Variants in EMX1 observed in about 807,000 individuals in gnomAD.
The protein encoded by EMX1 is homeobox protein EMX1.
Under a neutral mutation model 20.1 loss-of-function variants are expected in EMX1, and 10 were observed. That is an observed-to-expected ratio of 0.50 (90% CI 0.31 to 0.84). EMX1 has a LOEUF of 0.84. Among genes scored for constraint, EMX1 ranks in the 40% least tolerant of loss-of-function variants. The pLI is 0.05. For missense variants in EMX1, 424 were observed against 431.9 expected (o/e 0.98, Z 0.16); for synonymous variants, 250 against 200.4 (o/e 1.25, Z -2.09).
chr2:72,925,703 A>G, intron 2 of EMX1: 1 of 985,428 alleles, frequency 1.0e-6, no homozygotes, highest in Non-Finnish European at 1.2e-6. Context: ...TAGCAGCCAG[A>G]GTAGGAAGGG....
chr2:72,917,757 C>A lies in EMX1; in HGVS notation c.-96C>A. 1 of 1,146,668 alleles carries A rather than the reference C, an allele frequency of 8.7e-7. No homozygotes were observed. The highest frequency in any genetic ancestry group is 1.1e-6 in the Non-Finnish European group (1 of 918,322). 71.0% of individuals were successfully genotyped at this position (1,146,668 alleles called of 1,614,324 possible). ...GCTGTGGCCGGACCCCGCGGTCGCT[C>A]GCTCACACACCCCTCGCCGCTCCGC... On this transcript the variant is annotated 5_prime_UTR_variant, in exon 1 of 3. Transcript: ENST00000258106.
At chr2:72,925,520 C>A (rs766802519) in intron 2 of EMX1, 261 of 1,288,570 alleles carry the variant, frequency 2.0e-4, no homozygotes, top group Admixed American at 2.5e-4. Context: ...GCGTGCCGGC[C>A]GGCTCCCAGA....
intron 1 of EMX1, among the ~76,000 whole-genome samples, chr2:72,921,700 C>T (rs539732015): frequency 6.6e-6 from 1 of 152,114 alleles, no homozygotes; most frequent in Non-Finnish European, 1.5e-5. Flanking sequence ...GTTAGAAGGA[C>T]CCCTGTATTT....
Position 72,918,099 on chromosome 2 carries a change from C to G in EMX1, c.247C>G (p.Leu83Val). 6.9e-7 allele frequency: 1 copy of G among 1,456,748 alleles called. No individual in the cohort carries two copies. Among genetic ancestry groups the G allele is most frequent in the South Asian group, 1.4e-5 (1 of 73,954 alleles). 90.2% of individuals were successfully genotyped at this position (1,456,748 alleles called of 1,614,324 possible). A position where few individuals can be genotyped will look rare whatever the true frequency, so the allele number is the denominator to read the frequency against. The change falls in exon 1 of 3, where the codon CTC becomes GTC. Residue 83 changes from leucine (L) to valine (V), a missense_variant. Leu to Val is a conservative substitution (Grantham distance 32, BLOSUM62 1). Coordinates refer to ENST00000258106, the MANE Select transcript of EMX1 (RefSeq NM_004097.3). The part of the protein sequence containing the change: ...ASEEPLRPTA[L>V]NYPHPSAAEA... ...CGAGGAACCGCTCCGGCCCACGGCG[C>G]TCAACTACCCTCACCCCAGCGCGGC...
In EMX1 at chr2:72,924,465, C is replaced by A; in HGVS notation, c.677C>A (p.Ala226Asp). ...GTGGGCGCCGAGCGGAAGCAGCTGG[C>A]CGGCAGTCTCAGCCTCTCCGAGACG... Reference protein sequence around the residue: ...YVVGAERKQLAGSLSLSETQV... With the variant: ...YVVGAERKQLDGSLSLSETQV... Residue 226 changes from alanine to aspartate, a missense_variant, in exon 2 of 3, where the codon GCC becomes GAC. Physicochemically the swap from Ala to Asp is moderately radical, Grantham distance 126 (BLOSUM62 -2). Transcript: ENST00000258106. 6.3e-7 allele frequency: 1 copy of A among 1,594,712 alleles called. No homozygotes were observed.
chr2:72,916,583 G>T, upstream of EMX1: 1 of 647,294 alleles, frequency 1.5e-6, no homozygotes, highest in Non-Finnish European at 2.8e-6. Flanking sequence ...AAACTGGCCG[G>T]AGCAGAGTCG....
In EMX1 at chr2:72,934,123, A is replaced by G; in HGVS notation, c.*169A>G. ...GGCCGCCATTGACAGAGGGACAAGC[A>G]ATGGGCTGGCTGAGGCCTGGGACCA... On this transcript the variant is annotated 3_prime_UTR_variant, in exon 3 of 3. Transcript: ENST00000258106. 1.0e-6 allele frequency: 1 copy of G among 1,001,398 alleles called. No homozygotes were observed. The highest frequency in any genetic ancestry group is 1.7e-5 in the South Asian group (1 of 57,184). The allele number at this position is 1,001,398 out of a possible 1,614,324, so 62.0% of individuals were successfully genotyped here. A position where few individuals can be genotyped will look rare whatever the true frequency, so the allele number is the denominator to read the frequency against.
chr2:72,924,504 C>G lies in EMX1; in HGVS notation c.705+11C>G. 2.6e-6 allele frequency: 4 copies of G among 1,565,798 alleles called. No homozygotes were observed. Among genetic ancestry groups the G allele is most frequent in the Non-Finnish European group, 3.4e-6 (4 of 1,160,746 alleles). On this transcript the variant is annotated intron_variant, in intron 2 of 2. Transcript: ENST00000258106. Reference sequence around the variant, plus strand: ...CTCTCCGAGACGCAGGTAATCACCCCCGGTCGCGGCCTGCCCTGCGCCCGG... The same window carrying G: ...CTCTCCGAGACGCAGGTAATCACCCGCGGTCGCGGCCTGCCCTGCGCCCGG...
chr2:72,918,689 T>A (rs111417794), intron 1 of EMX1, among the ~76,000 whole-genome samples: 2,351 of 152,306 alleles, frequency 0.015, 57 homozygotes, highest in African/African-American at 0.053. Context: ...CTCTCCCAGC[T>A]GAGCCAGTCT....
At position 72,930,745 on chromosome 2, in the gene EMX1, G is replaced by A. The variant is rs1349095577; in HGVS notation, c.706-3042G>A. On this transcript the variant is annotated intron_variant, in intron 2 of 2. Transcript: ENST00000258106. This position sits in a 1 kb window ranked among gnomAD's most constrained non-coding sequence, Gnocchi z 4.4. ...AGAGTTGCCTGGCTGGGTTGGAGAG[G>A]TCATGAAATGTCACTCTCATCTCCT... Among the ~76,000 whole-genome samples the A allele has an allele frequency of 1.3e-5, 2 of 152,116 alleles. No individual in the cohort carries two copies.
At position 72,934,185 on chromosome 2, in the gene EMX1, G is replaced by C; in HGVS notation, c.*231G>C. On this transcript the variant is annotated 3_prime_UTR_variant, in exon 3 of 3. Coordinates refer to ENST00000258106, the MANE Select transcript of EMX1 (RefSeq NM_004097.3). The stretch of plus-strand genomic sequence containing the variant: ...CCTCGGAGAGCCTGCCTGCCTGGGC[G>C]GGCCCGCCCGCCACCGCAGCCTCCC... 3.6e-6 allele frequency: 2 copies of C among 557,838 alleles called. No individual in the cohort carries two copies. Among genetic ancestry groups the C allele is most frequent in the Non-Finnish European group, 6.1e-6 (2 of 325,672 alleles). The allele number at this position is 557,838 out of a possible 1,614,324, so 34.6% of individuals were successfully genotyped here.
At chr2:72,918,949 TC>T (rs1165544949) in intron 1 of EMX1, among the ~76,000 whole-genome samples, 11 of 152,234 alleles carry the variant, frequency 7.2e-5, no homozygotes, top group Non-Finnish European at 1.5e-4. Flanking sequence ...GCCCGACTTC[TC>T]CAAGTCACAC....
At chr2:72,919,922 G>C (rs1671069896) in intron 1 of EMX1, among the ~76,000 whole-genome samples, 1 of 152,268 alleles carries the variant, frequency 6.6e-6, no homozygotes, top group African/African-American at 2.4e-5. Flanking sequence ...TCCGAAGCCT[G>C]GGTCTCGAAA....
chr2:72,916,671 G>A (rs950086952), upstream of EMX1: 35 of 715,398 alleles, frequency 4.9e-5, no homozygotes, highest in Middle Eastern at 2.3e-4. Context: ...GACGGCTGGC[G>A]TGTTCTCTTG....
chr2:72,918,502 G>C (rs1362303720), intron 1 of EMX1, 130 bp downstream of exon 1: 2 of 1,240,820 alleles, frequency 1.6e-6, no homozygotes, highest in African/African-American at 3.2e-5. Flanking sequence ...CGCGGAGGTA[G>C]ATTCCCAGGC....
In EMX1 at chr2:72,917,543, G is replaced by GGCCGGGGCTGGGCA. The variant is rs998352213; in HGVS notation, c.-308_-295dup. The GGCCGGGGCTGGGCA allele has an allele frequency of 5.2e-6, 1 of 193,430 alleles. No individual in the cohort carries two copies. The highest frequency in any genetic ancestry group is 1.0e-5 in the Non-Finnish European group (1 of 96,230). The allele number at this position is 193,430 out of a possible 1,614,324, so 12.0% of individuals were successfully genotyped here. A position where few individuals can be genotyped will look rare whatever the true frequency, so the allele number is the denominator to read the frequency against. ...TAACTCGCGCCTCGCAGCGCTGGGC[G>GGCCGGGGCTGGGCA]GCCGGGGCTGGGCAGGGCAGTGCGG... is the stretch of plus-strand genomic sequence containing the variant. On this transcript the variant is annotated 5_prime_UTR_variant, in exon 1 of 3. Coordinates refer to ENST00000258106, the MANE Select transcript of EMX1 (RefSeq NM_004097.3).
chr2:72,923,670 T>G (rs1573897087), intron 1 of EMX1: 1 of 153,206 alleles, frequency 6.5e-6, no homozygotes, highest in Non-Finnish European at 1.4e-5. Context: ...CTGGCAGGAG[T>G]TTTTAATGAG....
upstream of EMX1, chr2:72,916,437 C>T: frequency 1.8e-6 from 1 of 553,968 alleles, no homozygotes; most frequent in South Asian, 2.1e-5. Context: ...GCCTCCCCAC[C>T]GCCGCCCGCG....
intron 1 of EMX1, among the ~76,000 whole-genome samples, chr2:72,920,979 G>T (rs753661935): frequency 6.6e-6 from 1 of 152,186 alleles, no homozygotes; most frequent in Non-Finnish European, 1.5e-5. Context: ...AGGAGGACGG[G>T]GAATGAGGTT....
Sources: gnomAD v4.1 joint callset for allele counts (sites outside exome capture counted in the v4.1 genomes callset) on GRCh38, gnomAD v4.1.1 for gene constraint, Gnocchi (gnomAD v3.1) non-coding constraint, MANE v1.5 for transcripts, NCBI Gene and HGNC (gene_info 2026-07-23, HGNC 2026-07-21) for gene names.